The following AP4E1 variants were observed in gnomAD, a reference collection of about 807,000 sequenced individuals.
AP4E1 encodes the protein adaptor related protein complex 4 subunit epsilon 1, also known as AP-4 complex subunit epsilon-1.
In AP4E1, 56 loss-of-function variants were observed where a neutral mutation model predicts 128.2. The observed-to-expected ratio is 0.44, with a 90% CI of 0.35 to 0.55. The LOEUF is 0.55. Among genes scored for constraint, AP4E1 ranks in the 20% least tolerant of loss-of-function variants. The pLI is 0.00. For synonymous variants in AP4E1, 484 were observed against 473.1 expected (o/e 1.02, Z -0.30); for missense variants, 1,324 against 1,307.7 (o/e 1.01, Z -0.19).
intron 3 of AP4E1, 67 bp from the exon 4 acceptor site, chr15:50,923,864 G>C: frequency 2.5e-6 from 3 of 1,222,136 alleles, no homozygotes; most frequent in Middle Eastern, 2.2e-4. Context: ...GGACTGCTTT[G>C]TTTAACTTCG....
chr15:50,930,941 T>A lies in AP4E1; in HGVS notation c.839T>A (p.Ile280Lys). 1 of 1,614,142 alleles carries A rather than the reference T, an allele frequency of 6.2e-7. No individual in the cohort carries two copies. The highest frequency in any genetic ancestry group is 8.5e-7 in the Non-Finnish European group (1 of 1,180,014). Residue 280 changes from isoleucine (I) to lysine (K), a missense_variant, in exon 7 of 21, where the codon ATA becomes AAA. By Grantham distance (102) the Ile-to-Lys change is moderately radical (BLOSUM62 -3). Transcript: ENST00000261842. ...TGGTTACAAATTCAGCTCTTGAGAA[T>A]ACTGGGACTTCTAGGAAAAGATGAT... is the stretch of plus-strand genomic sequence containing the variant. ...APWLQIQLLR[I>K]LGLLGKDDQR... is the part of the protein sequence containing the mutation.
At chr15:50,958,380 T>A in intron 13 of AP4E1, 112 bp from the exon 14 acceptor site, 2 of 843,922 alleles carry the variant, frequency 2.4e-6, no homozygotes, top group Non-Finnish European at 3.6e-6. Context: ...CATGAGAGGA[T>A]GTTTAATCTA....
chr15:50,928,643 CTTTT>C (rs938393888), intron 5 of AP4E1, among the ~76,000 whole-genome samples: 1 of 147,638 alleles, frequency 6.8e-6, no homozygotes, highest in Non-Finnish European at 1.5e-5. Flanking sequence ...TTACTGTTGA[CTTTT>C]TTTTTCAATT....
chr15:50,915,425 C>T (rs752032135), intron 2 of AP4E1, 23 bp from the exon 3 acceptor site: 35 of 1,605,288 alleles, frequency 2.2e-5, no homozygotes, highest in Non-Finnish European at 2.6e-5. Flanking sequence ...ATTTATACAG[C>T]TACTGGATAT....
intron 5 of AP4E1, 100 bp downstream of exon 5, chr15:50,925,319 A>C (rs2141147697): frequency 3.2e-6 from 4 of 1,256,916 alleles, no homozygotes; most frequent in Non-Finnish European, 4.5e-6. Context: ...CAGGATAGAG[A>C]TTATTTGACT....
At chr15:50,946,125 G>T in intron 10 of AP4E1, 1 of 524,852 alleles carries the variant, frequency 1.9e-6, no homozygotes, top group South Asian at 2.7e-5. Context: ...CTTTATTGTT[G>T]CTCCTTTTAG....
intron 8 of AP4E1, among the ~76,000 whole-genome samples, chr15:50,935,578 A>C (rs1433291529): frequency 2.0e-5 from 3 of 152,174 alleles, no homozygotes. Context: ...TGAATTTTGC[A>C]TGCTCTGGAG....
At chr15:50,960,034 T>A (rs2064289255) in intron 14 of AP4E1, among the ~76,000 whole-genome samples, 1 of 152,150 alleles carries the variant, frequency 6.6e-6, no homozygotes, top group South Asian at 2.1e-4. Flanking sequence ...CAAGAAATGT[T>A]ATTATATAAT....
intron 15 of AP4E1, among the ~76,000 whole-genome samples, chr15:50,974,114 A>C (rs369188237): frequency 7.9e-5 from 12 of 151,842 alleles, no homozygotes; most frequent in Admixed American, 7.2e-4. Flanking sequence ...TACAAGCATG[A>C]GTCACCACAC....
At chr15:51,001,205 C>CTAT (rs1395221091) in intron 20 of AP4E1, 22 bp downstream of exon 20, 5 of 1,606,556 alleles carry the variant, frequency 3.1e-6, no homozygotes, top group Non-Finnish European at 4.3e-6. Flanking sequence ...TATAAAAAGG[C>CTAT]TATTCTGTGT....
intron 2 of AP4E1, among the ~76,000 whole-genome samples, chr15:50,912,907 AC>A (rs1358253724): frequency 6.6e-6 from 1 of 152,002 alleles, no homozygotes; most frequent in Non-Finnish European, 1.5e-5. Flanking sequence ...CAAGCGATCC[AC>A]CCACCTCAGC....
Position 50,943,153 on chromosome 15 carries a change from G to T in AP4E1, c.1176+1378G>T, listed in dbSNP as rs146989789. On this transcript the variant is annotated intron_variant, in intron 10 of 20. Coordinates refer to ENST00000261842, the MANE Select transcript of AP4E1 (RefSeq NM_007347.5). The stretch of plus-strand genomic sequence containing the variant: ...TTATAAGTGAGAACAAGTGATATTT[G>T]ATTTTCTGTTTTTGCATTAATTCAC... Among the ~76,000 whole-genome samples the T allele has an allele frequency of 3.4e-3, 515 of 152,106 alleles. 4 individuals are homozygous for T. The highest frequency in any genetic ancestry group is 0.012 in the African/African-American group (497 of 41,506).
chr15:50,941,672 A>G lies in AP4E1; in HGVS notation c.1073A>G (p.Lys358Arg). 6.2e-7 allele frequency: 1 copy of G among 1,613,404 alleles called. No individual in the cohort carries two copies. The highest frequency in any genetic ancestry group is 8.5e-7 in the Non-Finnish European group (1 of 1,179,490). ...PKINLKYLGL[K>R]ALTYVIQQDP... ...AATGTGTCTTTGTTTCTAGGACTGA[A>G]GGCTCTTACCTATGTTATCCAACAG... is the stretch of plus-strand genomic sequence containing the variant. Residue 358 changes from lysine to arginine, a missense_variant, in exon 10 of 21, where the codon AAG becomes AGG. Lys to Arg is a conservative substitution (Grantham distance 26, BLOSUM62 2). Coordinates refer to ENST00000261842, the MANE Select transcript of AP4E1 (RefSeq NM_007347.5).
intron 13 of AP4E1, among the ~76,000 whole-genome samples, chr15:50,957,923 C>T (rs531097136): frequency 3.2e-4 from 49 of 152,122 alleles, no homozygotes; most frequent in African/African-American, 1.1e-3. Context: ...CCACCCGCCT[C>T]GGCCTCCCAA....
At position 50,925,122 on chromosome 15, in the gene AP4E1, G is replaced by A. The variant is rs748539786; in HGVS notation, c.445G>A (p.Glu149Lys). 6.2e-7 allele frequency: 1 copy of A among 1,614,044 alleles called. No individual in the cohort carries two copies. The highest frequency in any genetic ancestry group is 8.5e-7 in the Non-Finnish European group (1 of 1,179,936). The change falls in exon 5 of 21, where the codon GAA becomes AAA. Residue 149 changes from glutamate (E) to lysine (K), a missense_variant. Transcript: ENST00000261842. ...GGATCTGCAGAGCACTAACCTAGTAGAAGTGTGTATGGCACTGACTGTTGT... is the reference window on the plus strand; with the variant it reads ...GGATCTGCAGAGCACTAACCTAGTAAAAGTGTGTATGGCACTGACTGTTGT... ...VKDLQSTNLVEVCMALTVVSQ... is the reference protein window; with the variant it reads ...VKDLQSTNLVKVCMALTVVSQ...
At chr15:50,920,424 T>TC (rs2063686566) in intron 3 of AP4E1, among the ~76,000 whole-genome samples, 1 of 150,390 alleles carries the variant, frequency 6.6e-6, no homozygotes, top group Non-Finnish European at 1.5e-5. Flanking sequence ...TCTTTTTTTT[T>TC]TTTTGAGACA....
At chr15:50,943,673 T>A (rs1264415953) in intron 10 of AP4E1, among the ~76,000 whole-genome samples, 2 of 152,202 alleles carry the variant, frequency 1.3e-5, no homozygotes, top group Non-Finnish European at 2.9e-5. Flanking sequence ...AGTCCCCACT[T>A]ATTTATGGAA....
chr15:50,993,702 T>A, intron 17 of AP4E1, 77 bp downstream of exon 17: 1 of 1,574,596 alleles, frequency 6.4e-7, no homozygotes, highest in South Asian at 1.1e-5. Context: ...TAAAAGCTCC[T>A]GGCTGTCGTC....
At chr15:50,980,987 C>T (rs1339617547) in intron 15 of AP4E1, among the ~76,000 whole-genome samples, 5 of 152,168 alleles carry the variant, frequency 3.3e-5, no homozygotes. Context: ...GTGGAGCCAT[C>T]ACAGAAAGCC....
Sources: gnomAD v4.1 joint callset for allele counts (sites outside exome capture counted in the v4.1 genomes callset) on GRCh38, gnomAD v4.1.1 for gene constraint, MANE v1.5 for transcripts, NCBI Gene and HGNC (gene_info 2026-07-23, HGNC 2026-07-21) for gene names.